ACOX3: variants seen among roughly 807,000 people sequenced by gnomAD.
ACOX3 encodes peroxisomal acyl-coenzyme A oxidase 3.
Under a neutral mutation model 81.5 loss-of-function variants are expected in ACOX3, and 73 were observed. The ratio of observed to expected loss-of-function variants is 0.90; its 90% CI spans 0.74 to 1.09. The LOEUF (loss-of-function observed/expected upper bound fraction) is 1.09, where lower values mean the gene tolerates loss of function less well. Among genes scored for constraint, ACOX3 ranks in the 50% least tolerant of loss-of-function variants. The pLI is 0.00. For synonymous variants in ACOX3, 387 were observed against 375.1 expected, an observed-to-expected ratio of 1.03 and a Z score of -0.37; for missense variants, 947 against 928.0, an observed-to-expected ratio of 1.02 and a Z score of -0.27.
At chr4:8,383,006 A>G (rs1560173590) in intron 13 of ACOX3, among the ~76,000 whole-genome samples, 1 of 131,792 alleles carries the variant, frequency 7.6e-6, no homozygotes, top group African/African-American at 3.0e-5. Context: ...AAAAAAAAAA[A>G]GAAAAGAAAA....
Position 8,366,883 on chromosome 4 carries a change from C to G in ACOX3, c.*78G>C. 1 of 1,570,340 alleles carries G rather than the reference C, an allele frequency of 6.4e-7. No individual in the cohort carries two copies. Among genetic ancestry groups the G allele is most frequent in the Non-Finnish European group, 8.7e-7 (1 of 1,148,570 alleles). On this transcript the variant is annotated 3_prime_UTR_variant, in exon 18 of 18. Coordinates refer to ENST00000356406, the MANE Select transcript of ACOX3 (RefSeq NM_003501.3). ...AAGCAGCAGCAATCTCCGGCGTGTT[C>G]TGGAATCAGAAGTTGAGGTCCACGT...
At chr4:8,373,337 T>TGAC (rs978598175) in intron 16 of ACOX3, among the ~76,000 whole-genome samples, 2 of 151,796 alleles carry the variant, frequency 1.3e-5, no homozygotes, top group African/African-American at 4.8e-5. Flanking sequence ...GGCTCATGGG[T>TGAC]GACGCTAAGG....
At chr4:8,359,977 C>CG in the ACOX3 span, among the ~76,000 whole-genome samples, 1 of 152,190 alleles carries the variant, frequency 6.6e-6, no homozygotes, top group Non-Finnish European at 1.5e-5. The surrounding 1 kb of genome is among the most constrained non-coding windows in gnomAD (Gnocchi z 6.0). Flanking sequence ...GGATAGAGCA[C>CG]GGACTTAGGA....
the ACOX3 span, chr4:8,356,329 A>T: frequency 5.6e-6 from 2 of 358,484 alleles, no homozygotes; most frequent in African/African-American, 4.3e-5. Context: ...CACTGCTGGT[A>T]TAAGAAATCT....
chr4:8,432,590 T>C lies in ACOX3; in HGVS notation c.-15+8058A>G, dbSNP rs71603934. Among the ~76,000 whole-genome samples, 5 of 152,154 alleles carry C rather than the reference T, an allele frequency of 3.3e-5. No individual in the cohort carries two copies. In the South Asian group the frequency reaches 8.3e-4, roughly 25 times the overall value. On this transcript the variant is annotated intron_variant, in intron 1 of 17. Coordinates refer to ENST00000356406, the MANE Select transcript of ACOX3 (RefSeq NM_003501.3). The surrounding 1 kb of genome is among the most constrained non-coding windows in gnomAD (Gnocchi z 6.2). ...TTGAATTTAACGGGTTTCTATGCTG[T>C]TAAGGTCTTGGCATCAGATGAGTTT...
chr4:8,360,593 T>C, the ACOX3 span, among the ~76,000 whole-genome samples: 4 of 151,808 alleles, frequency 2.6e-5, no homozygotes, highest in South Asian at 8.3e-4. Context: ...TGCCTCAGCC[T>C]CCCGAGTAGG....
chr4:8,372,460 T>A (rs947209601), intron 16 of ACOX3, among the ~76,000 whole-genome samples: 12 of 152,130 alleles, frequency 7.9e-5, no homozygotes, highest in Non-Finnish European at 1.0e-4. Flanking sequence ...ACCCCCGTGC[T>A]TTCCTTGGTG....
rs1009119343 is a variant in ACOX3 at position 8,431,444 on chromosome 4, C to G, written c.-15+9204G>C. ...GCCTGAGGACACTGCTGACCTGCAT[C>G]TGACAGGGAACACGGGCCTCTCTGT... On this transcript the variant is annotated intron_variant, in intron 1 of 17. Coordinates refer to ENST00000356406, the MANE Select transcript of ACOX3 (RefSeq NM_003501.3). The surrounding 1 kb of genome is among the most constrained non-coding windows in gnomAD (Gnocchi z 5.3). Among the ~76,000 whole-genome samples the G allele has an allele frequency of 5.3e-5, 8 of 152,212 alleles. No homozygotes were observed. The highest frequency in any genetic ancestry group is 1.9e-4 in the African/African-American group (8 of 41,458).
rs868358211 is a variant in ACOX3 at position 8,406,786 on chromosome 4, C to T, written c.688-743G>A. On this transcript the variant is annotated intron_variant, in intron 6 of 17. Coordinates refer to ENST00000356406, the MANE Select transcript of ACOX3 (RefSeq NM_003501.3). This position sits in a 1 kb window ranked among gnomAD's most constrained non-coding sequence, Gnocchi z 5.6. ...TAGTACTTTCACTAATTTGCTACTG[C>T]TATCTAGAAGGCAGAGCCAGGTGTA... Among the ~76,000 whole-genome samples, 3 of 152,208 alleles carry T rather than the reference C, an allele frequency of 2.0e-5. No homozygotes were observed. Among genetic ancestry groups the T allele is most frequent in the Admixed American group, 6.5e-5 (1 of 15,286 alleles).
intron 5 of ACOX3, among the ~76,000 whole-genome samples, chr4:8,413,225 C>A: frequency 7.2e-6 from 1 of 139,634 alleles, no homozygotes; most frequent in Admixed American, 7.2e-5. Context: ...AGCCCCAGGG[C>A]ATCCATCTGT....
In ACOX3 at chr4:8,399,746, G is replaced by A. The variant is rs538036199; in HGVS notation, c.777-94C>T. The A allele has an allele frequency of 1.7e-5, 19 of 1,129,956 alleles. No homozygotes were observed. The highest frequency in any genetic ancestry group is 1.2e-4 in the Admixed American group (6 of 48,222). The allele number at this position is 1,129,956 out of a possible 1,614,324, so 70.0% of individuals were successfully genotyped here. The stretch of plus-strand genomic sequence containing the variant: ...CAGCCTAAAAGCTGATGCAATCCCC[G>A]AGGACAAAGAAAATGGCAGAGGGCA... On this transcript the variant is annotated intron_variant, in intron 7 of 17. Coordinates refer to ENST00000356406, the MANE Select transcript of ACOX3 (RefSeq NM_003501.3). The surrounding 1 kb of genome is among the most constrained non-coding windows in gnomAD (Gnocchi z 4.9).
chr4:8,417,042 T>C (rs527730568), intron 1 of ACOX3, among the ~76,000 whole-genome samples: 1 of 152,222 alleles, frequency 6.6e-6, no homozygotes, highest in African/African-American at 2.4e-5. Flanking sequence ...GCACAGAACC[T>C]CTGATCACAG....
the ACOX3 span, chr4:8,358,070 T>C: frequency 6.6e-6 from 1 of 152,178 alleles, no homozygotes; most frequent in African/African-American, 2.4e-5. Context: ...AGCAATAAGA[T>C]ACCCAATTCA....
chr4:8,399,575 G>T lies in ACOX3; in HGVS notation c.854C>A (p.Thr285Asn), dbSNP rs138345511. The change falls in exon 8 of 18, where the codon ACC becomes AAC. Residue 285 changes from threonine (T) to asparagine (N), a missense_variant. Transcript: ENST00000356406. This position sits in a 1 kb window ranked among gnomAD's most constrained non-coding sequence, Gnocchi z 4.9. The stretch of plus-strand genomic sequence containing the variant: ...CTGTACCTTAAAGGGGCTGACATAG[G>T]TGCCCTCGGGGGTGACGTCTCCCAT... The part of the protein sequence containing the change: ...NRMGDVTPEG[T>N]YVSPFKDVRQ... 1.9e-6 allele frequency: 3 copies of T among 1,613,948 alleles called. No homozygotes were observed. Among genetic ancestry groups the T allele is most frequent in the Non-Finnish European group, 1.7e-6 (2 of 1,179,932 alleles).
chr4:8,375,433 G>T (rs1578861302), intron 14 of ACOX3, among the ~76,000 whole-genome samples: 1 of 152,334 alleles, frequency 6.6e-6, no homozygotes, highest in South Asian at 2.1e-4. Flanking sequence ...GACTGGGGTT[G>T]GCACCAGCAC....
At position 8,431,393 on chromosome 4, in the gene ACOX3, C is replaced by A. The variant is rs903597467; in HGVS notation, c.-15+9255G>T. On this transcript the variant is annotated intron_variant, in intron 1 of 17. Transcript: ENST00000356406. The surrounding 1 kb of genome is among the most constrained non-coding windows in gnomAD (Gnocchi z 5.3). ...ATTTGCCTGCTCACGCTGTAGCACT[C>A]TCCATCCACCGTGCTCCCCTCCTGG... 9.2e-5 allele frequency among the ~76,000 whole-genome samples: 14 copies of A among 152,242 alleles called. No homozygotes were observed. The highest frequency in any genetic ancestry group is 3.1e-4 in the African/African-American group (13 of 41,460).
chr4:8,440,027 C>T (rs779768344), intron 1 of ACOX3, among the ~76,000 whole-genome samples: 9 of 152,206 alleles, frequency 5.9e-5, no homozygotes, highest in East Asian at 1.9e-4. Flanking sequence ...CATCAACCCC[C>T]GACCTAAACT....
In ACOX3 at chr4:8,381,351, G is replaced by A; in HGVS notation, c.1653+141C>T. 1.5e-6 allele frequency: 1 copy of A among 684,932 alleles called. No homozygotes were observed. 42.4% of individuals were successfully genotyped at this position (684,932 alleles called of 1,614,324 possible). ...ACAGAGGAGCTGAGCAAGCAGCAAA[G>A]TCATCAAGTCATCTGCCCAAGGTCA... On this transcript the variant is annotated intron_variant, in intron 14 of 17. Coordinates refer to ENST00000356406, the MANE Select transcript of ACOX3 (RefSeq NM_003501.3). This position sits in a 1 kb window ranked among gnomAD's most constrained non-coding sequence, Gnocchi z 4.3.
At chr4:8,388,643 C>G (rs1718587607) in intron 13 of ACOX3, among the ~76,000 whole-genome samples, 1 of 152,236 alleles carries the variant, frequency 6.6e-6, no homozygotes, top group Non-Finnish European at 1.5e-5. Context: ...GTGCGGGGCC[C>G]TGGGAGGACG....
Sources: allele counts gnomAD v4.1 joint callset (sites outside exome capture counted in the v4.1 genomes callset), GRCh38; gene constraint gnomAD v4.1.1; non-coding constraint Gnocchi (gnomAD v3.1); transcripts MANE v1.5; gene names NCBI Gene and HGNC (gene_info 2026-07-23, HGNC 2026-07-21).